The following FAM118A variants were observed in gnomAD, a reference collection of about 807,000 sequenced individuals.
FAM118A encodes the protein protein FAM118A.
Under a neutral mutation model 38.2 loss-of-function variants are expected in FAM118A, and 25 were observed. That is an observed-to-expected ratio of 0.65 (90% CI 0.48 to 0.91). The LOEUF is 0.91. Among genes scored for constraint, FAM118A ranks in the 40% least tolerant of loss-of-function variants. The pLI is 0.00. For missense variants in FAM118A, 425 were observed against 463.3 expected, an observed-to-expected ratio of 0.92 and a Z score of 0.76; for synonymous variants, 178 against 184.1, an observed-to-expected ratio of 0.97 and a Z score of 0.27.
chr22:45,316,379 C>T (rs898921105), intron 1 of FAM118A, among the ~76,000 whole-genome samples: 3 of 152,174 alleles, frequency 2.0e-5, no homozygotes, highest in African/African-American at 7.2e-5. Flanking sequence ...TCTCCTCTCC[C>T]AAGCCTACGT....
rs186169758 is a variant in FAM118A at position 45,339,104 on chromosome 22, T to G, written c.1055-1282T>G. ...CTGTCACAGACTCGACATCCTCTCA[T>G]TTAGTTTTATACAACTTTGGCTGGG... On this transcript the variant is annotated intron_variant, in intron 8 of 8. Coordinates refer to ENST00000441876, the MANE Select transcript of FAM118A (RefSeq NM_017911.4). 5.3e-5 allele frequency among the ~76,000 whole-genome samples: 8 copies of G among 152,316 alleles called. No individual in the cohort carries two copies. The East Asian group carries it at 1.5e-3, about 29-fold the overall frequency.
At chr22:45,311,791 T>C (rs1488167779) in intron 1 of FAM118A, among the ~76,000 whole-genome samples, 7 of 152,114 alleles carry the variant, frequency 4.6e-5, no homozygotes, top group African/African-American at 1.7e-4. Flanking sequence ...TGGGGGACTG[T>C]GGCTTTCTGG....
intron 1 of FAM118A, among the ~76,000 whole-genome samples, chr22:45,315,180 G>A (rs1420927840): frequency 6.6e-6 from 1 of 152,128 alleles, no homozygotes; most frequent in Non-Finnish European, 1.5e-5. Flanking sequence ...TGTTTTCCTG[G>A]TTTGGGTGTA....
At position 45,338,615 on chromosome 22, in the gene FAM118A, C is replaced by T. The variant is rs114271335; in HGVS notation, c.1055-1771C>T. Among the ~76,000 whole-genome samples, 345 of 152,354 alleles carry T rather than the reference C, an allele frequency of 2.3e-3. 1 individual carries two copies. Among genetic ancestry groups the T allele is most frequent in the African/African-American group, 7.8e-3 (323 of 41,574 alleles). ...TGGAGACAGAAGTCAACCTGGTTAT[C>T]TGACTCTACTACATTCCTGAAAACA... is the stretch of plus-strand genomic sequence containing the variant. On this transcript the variant is annotated intron_variant, in intron 8 of 8. Transcript: ENST00000441876.
intron 3 of FAM118A, among the ~76,000 whole-genome samples, chr22:45,325,674 G>A (rs1024506188): frequency 2.0e-4 from 30 of 152,158 alleles, no homozygotes; most frequent in African/African-American, 7.2e-4. Context: ...AGGCCTTGGG[G>A]GCTGTATGTG....
At chr22:45,316,380 A>G (rs1411327991) in intron 1 of FAM118A, among the ~76,000 whole-genome samples, 1 of 152,072 alleles carries the variant, frequency 6.6e-6, no homozygotes. Context: ...CTCCTCTCCC[A>G]AGCCTACGTG....
At chr22:45,322,154 A>ATCTC in intron 1 of FAM118A, 1 of 1,490,570 alleles carries the variant, frequency 6.7e-7, no homozygotes, top group Non-Finnish European at 9.0e-7. Flanking sequence ...GAACAGCGAG[A>ATCTC]GTCCAACCAG....
rs368855742 is a variant in FAM118A, at chr22:45,310,077, C to T, written c.-116C>T. 4 of 152,116 alleles carry T rather than the reference C, an allele frequency of 2.6e-5. No individual in the cohort carries two copies. Among genetic ancestry groups the T allele is most frequent in the African/African-American group, 9.7e-5 (4 of 41,404 alleles). The allele number at this position is 152,116 out of a possible 1,614,324, so 9.4% of individuals were successfully genotyped here. On this transcript the variant is annotated 5_prime_UTR_variant, in exon 1 of 9. Transcript: ENST00000441876. ...CCCGAGAACCATCCCCTTGCCCCGC[C>T]CAGCGTCAGGGGTGCGCGGCCGCCG... is the stretch of plus-strand genomic sequence containing the variant.
intron 8 of FAM118A, among the ~76,000 whole-genome samples, chr22:45,338,775 G>A (rs960454051): frequency 6.6e-6 from 1 of 152,222 alleles, no homozygotes; most frequent in Non-Finnish European, 1.5e-5. Flanking sequence ...CAGCTTATCA[G>A]TTACCTCTTC....
At chr22:45,324,152 A>G (rs1298285924) in intron 3 of FAM118A, among the ~76,000 whole-genome samples, 2 of 152,242 alleles carry the variant, frequency 1.3e-5, no homozygotes, top group Admixed American at 1.3e-4. Flanking sequence ...CACGAAAAAA[A>G]GTGAGCTCGT....
At chr22:45,335,219 AG>A in intron 6 of FAM118A, 130 bp from the exon 7 acceptor site, 1 of 908,118 alleles carries the variant, frequency 1.1e-6, no homozygotes, top group African/African-American at 1.7e-5. Flanking sequence ...AGGAGTCCGC[AG>A]CCCGCGCGGG....
At chr22:45,340,283 A>G in intron 8 of FAM118A, 103 bp from the exon 9 acceptor site, 8 of 1,409,316 alleles carry the variant, frequency 5.7e-6, no homozygotes, top group East Asian at 2.3e-5. Context: ...TCTTCCGTAC[A>G]TAAGAACAAT....
At chr22:45,335,474 T>A (rs2086021925) in intron 7 of FAM118A, 92 bp downstream of exon 7, 2 of 1,455,170 alleles carry the variant, frequency 1.4e-6, no homozygotes. Context: ...ACGTTTGTTT[T>A]TCACCTTAAA....
At chr22:45,318,979 G>A (rs1056780973) in intron 1 of FAM118A, 1 of 152,222 alleles carries the variant, frequency 6.6e-6, no homozygotes. Flanking sequence ...TAGGAATAGT[G>A]TGATACCTCG....
intron 3 of FAM118A, among the ~76,000 whole-genome samples, chr22:45,325,636 G>A (rs946677963): frequency 6.6e-6 from 1 of 152,132 alleles, no homozygotes; most frequent in Non-Finnish European, 1.5e-5. Flanking sequence ...CAGAGGTTCT[G>A]GAAAGGATCC....
chr22:45,316,885 A>G (rs1434020617), intron 1 of FAM118A, among the ~76,000 whole-genome samples: 1 of 152,246 alleles, frequency 6.6e-6, no homozygotes, highest in Non-Finnish European at 1.5e-5. Context: ...GATTGACTAC[A>G]GGTGAGTTAA....
In FAM118A at chr22:45,332,449, A is replaced by G; in HGVS notation, c.676A>G (p.Thr226Ala). ...GGAAGTCCTCCAGAACTTATACCGC[A>G]CCAAGTCCTTTCTGTTTGTGGGCTG... Reference protein sequence around the residue: ...VMEVLQNLYRTKSFLFVGCGE... With the variant: ...VMEVLQNLYRAKSFLFVGCGE... Residue 226 changes from threonine to alanine, a missense_variant, in exon 6 of 9, where the codon ACC (threonine) becomes GCC (alanine). Thr to Ala is a moderately conservative substitution (Grantham distance 58). Coordinates refer to ENST00000441876, the MANE Select transcript of FAM118A (RefSeq NM_017911.4). 2 of 1,613,888 alleles carry G rather than the reference A, an allele frequency of 1.2e-6. No individual in the cohort carries two copies. Among genetic ancestry groups the G allele is most frequent in the Middle Eastern group, 1.7e-4 (1 of 5,986 alleles).
Position 45,332,424 on chromosome 22 carries a change from G to T in FAM118A, c.652-1G>T, listed in dbSNP as rs749021757. 3 of 1,606,410 alleles carry T rather than the reference G, an allele frequency of 1.9e-6. No individual in the cohort carries two copies. In the Admixed American group the frequency reaches 5.1e-5, roughly 27 times the overall value. On this transcript the variant is annotated splice_acceptor_variant, in intron 5 of 8. Coordinates refer to ENST00000441876, the MANE Select transcript of FAM118A (RefSeq NM_017911.4). LOFTEE classifies it high-confidence loss of function. The stretch of plus-strand genomic sequence containing the variant: ...TCAATTTCTTCATTGGCCTTTTCTA[G>T]GAAGTCCTCCAGAACTTATACCGCA...
Position 45,323,253 on chromosome 22 carries a change from G to A in FAM118A, c.126G>A (p.Val42=), listed in dbSNP as rs577746274. 16 of 1,614,208 alleles carry A rather than the reference G, an allele frequency of 9.9e-6. No homozygotes were observed. The highest frequency in any genetic ancestry group is 8.8e-5 in the South Asian group (8 of 91,090). The change falls in exon 3 of 9, where the codon GTG becomes GTA. Residue 42 remains valine, a synonymous_variant. Transcript: ENST00000441876. ...LVIGTGVSAA[V]APGIPALCSW... ...TCGGGACTGGCGTCAGCGCAGCAGT[G>A]GCCCCCGGAATCCCTGCCCTTTGCT...
Sources: gnomAD v4.1 joint callset for allele counts (sites outside exome capture counted in the v4.1 genomes callset) on GRCh38, gnomAD v4.1.1 for gene constraint, MANE v1.5 for transcripts, NCBI Gene and HGNC (gene_info 2026-07-23, HGNC 2026-07-21) for gene names.